The following SH3BP1 variants were observed in gnomAD, a reference collection of about 807,000 sequenced individuals.
The protein encoded by SH3BP1 is SH3 domain binding protein 1, also known as SH3 domain-binding protein 1.
Under a neutral mutation model 69.8 loss-of-function variants are expected in SH3BP1, and 46 were observed. The ratio of observed to expected loss-of-function variants is 0.66; its 90% CI spans 0.52 to 0.84. The LOEUF (loss-of-function observed/expected upper bound fraction) is 0.84. Among genes scored for constraint, SH3BP1 ranks in the 40% least tolerant of loss-of-function variants. The pLI is 0.00. For missense variants in SH3BP1, 868 were observed against 930.9 expected (o/e 0.93, Z 0.88); for synonymous variants, 403 against 378.0 (o/e 1.07, Z -0.77).
intron 9 of SH3BP1, 70 bp from the exon 10 acceptor site, chr22:37,645,295 G>C: frequency 6.5e-7 from 1 of 1,527,992 alleles, no homozygotes; most frequent in Non-Finnish European, 8.9e-7. Context: ...AGGACATGAA[G>C]GGGGGGTGCC....
rs1227811304 is a variant in SH3BP1, at chr22:37,642,545, C to T, written c.214C>T (p.Leu72Phe). 6.2e-7 allele frequency: 1 copy of T among 1,613,184 alleles called. No individual in the cohort carries two copies. Among genetic ancestry groups the T allele is most frequent in the Non-Finnish European group, 8.5e-7 (1 of 1,179,948 alleles). ...GADMDKRVKK[L>F]PLMALSTTMA... Reference sequence around the variant, plus strand: ...GGCCCCACCCTCCCTGCAGAAGAAGCTTCCCCTCATGGCTCTGTCCACCAC... The same window carrying T: ...GGCCCCACCCTCCCTGCAGAAGAAGTTTCCCCTCATGGCTCTGTCCACCAC... Residue 72 changes from leucine to phenylalanine, a missense_variant, in exon 4 of 18, where the codon CTT (leucine) becomes TTT (phenylalanine). Physicochemically the swap from Leu to Phe is conservative, Grantham distance 22. Coordinates refer to ENST00000649765, the MANE Select transcript of SH3BP1 (RefSeq NM_018957.6).
chr22:37,654,847 C>T (rs1461108319), intron 17 of SH3BP1, among the ~76,000 whole-genome samples: 1 of 152,136 alleles, frequency 6.6e-6, no homozygotes, highest in Non-Finnish European at 1.5e-5. Flanking sequence ...CAGTGGCTTA[C>T]ACCTGTCATC....
chr22:37,650,243 C>G lies in SH3BP1; in HGVS notation c.1408C>G (p.Pro470Ala). Residue 470 changes from proline to alanine, a missense_variant, in exon 15 of 18, where the codon CCT becomes GCT. Coordinates refer to ENST00000649765, the MANE Select transcript of SH3BP1 (RefSeq NM_018957.6). ...GATCCAGAGCGCAGACACCCTCTTC[C>G]CTGGAGGTGAAGCTCCTGCCTGCAT... ...ALIQSADTLFPGDINFNVSGL... is the reference protein window; with the variant it reads ...ALIQSADTLFAGDINFNVSGL... 6.2e-7 allele frequency: 1 copy of G among 1,607,274 alleles called. No individual in the cohort carries two copies. Among genetic ancestry groups the G allele is most frequent in the Non-Finnish European group, 8.5e-7 (1 of 1,176,652 alleles).
Position 37,641,489 on chromosome 22 carries a change from G to C in SH3BP1, c.207+11G>C. ...ATGGACAAGCGGGTGGTGAGTGGGGGGTCCCGGGAAGGAGGGGCCTGAGCA... is the reference window on the plus strand; with the variant it reads ...ATGGACAAGCGGGTGGTGAGTGGGGCGTCCCGGGAAGGAGGGGCCTGAGCA... On this transcript the variant is annotated intron_variant, in intron 3 of 17. Transcript: ENST00000649765. 6.5e-7 allele frequency: 1 copy of C among 1,545,718 alleles called. No homozygotes were observed. The highest frequency in any genetic ancestry group is 8.7e-7 in the Non-Finnish European group (1 of 1,144,020).
chr22:37,650,118 C>A, intron 14 of SH3BP1, 34 bp from the exon 15 acceptor site: 1 of 1,612,364 alleles, frequency 6.2e-7, no homozygotes, highest in Non-Finnish European at 8.5e-7. Flanking sequence ...GGGTCACAAA[C>A]CCTTTGCTGA....
At chr22:37,644,775 G>A (rs936857339) in intron 8 of SH3BP1, 70 bp downstream of exon 8, 2 of 1,604,776 alleles carry the variant, frequency 1.2e-6, no homozygotes, top group Non-Finnish European at 1.7e-6. Context: ...GGCCACTGGG[G>A]CTCTAAGATG....
At chr22:37,644,113 C>T (rs571858343) in intron 7 of SH3BP1, among the ~76,000 whole-genome samples, 1 of 152,338 alleles carries the variant, frequency 6.6e-6, no homozygotes, top group Admixed American at 6.5e-5. Flanking sequence ...GGCGCGGTGG[C>T]TTACGCCTGT....
intron 9 of SH3BP1, 78 bp from the exon 10 acceptor site, chr22:37,645,287 G>A: frequency 6.6e-7 from 1 of 1,519,818 alleles, no homozygotes; most frequent in East Asian, 2.3e-5. Context: ...CCACCTTGAG[G>A]ACATGAAGGG....
chr22:37,650,912 C>T (rs2146069128), intron 16 of SH3BP1, 187 bp downstream of exon 16: 1 of 684,246 alleles, frequency 1.5e-6, no homozygotes, highest in Non-Finnish European at 2.4e-6. Flanking sequence ...GTCTCAGCCA[C>T]TGATGTGTGC....
intron 16 of SH3BP1, among the ~76,000 whole-genome samples, chr22:37,651,605 C>G (rs1323418363): frequency 6.6e-6 from 1 of 152,130 alleles, no homozygotes; most frequent in African/African-American, 2.4e-5. Context: ...GCTGGGATTA[C>G]AGGCATGAGC....
chr22:37,645,297 G>T, intron 9 of SH3BP1, 68 bp from the exon 10 acceptor site: 1 of 1,543,990 alleles, frequency 6.5e-7, no homozygotes, highest in South Asian at 1.2e-5. Context: ...GACATGAAGG[G>T]GGGGTGCCCC....
In SH3BP1 at chr22:37,641,495, G is replaced by T. The variant is rs746828473; in HGVS notation, c.207+17G>T. 2 of 1,537,766 alleles carry T rather than the reference G, an allele frequency of 1.3e-6. No homozygotes were observed. Among genetic ancestry groups the T allele is most frequent in the Non-Finnish European group, 1.8e-6 (2 of 1,138,218 alleles). On this transcript the variant is annotated intron_variant, in intron 3 of 17. Coordinates refer to ENST00000649765, the MANE Select transcript of SH3BP1 (RefSeq NM_018957.6). ...AAGCGGGTGGTGAGTGGGGGGTCCC[G>T]GGAAGGAGGGGCCTGAGCAGGAGAC...
rs1179050794 is a variant in SH3BP1, at chr22:37,644,005, TC to T, written c.618+219del. Among the ~76,000 whole-genome samples, 8 of 152,342 alleles carry T rather than the reference TC, an allele frequency of 5.3e-5. No homozygotes were observed. In the East Asian group the frequency reaches 1.5e-3, roughly 29 times the overall value. On this transcript the variant is annotated intron_variant, in intron 7 of 17. Transcript: ENST00000649765. Reference sequence around the variant, plus strand: ...AGAGACTTGGTCTGTTCCCTGAGTCTCCATGTGTTTGTTTGCTGAGCGAGCG... The same window carrying T: ...AGAGACTTGGTCTGTTCCCTGAGTCTCATGTGTTTGTTTGCTGAGCGAGCG...
chr22:37,642,860 C>T (rs1273153886), intron 4 of SH3BP1, 35 bp from the exon 5 acceptor site: 4 of 1,601,452 alleles, frequency 2.5e-6, no homozygotes, highest in East Asian at 2.2e-5. Flanking sequence ...GTGAGGGCAG[C>T]GGGCGCCTGG....
In SH3BP1 at chr22:37,648,389, G is replaced by A. The variant is rs1932819754; in HGVS notation, c.1270G>A (p.Ala424Thr). Residue 424 changes from alanine to threonine, a missense_variant, in exon 14 of 18, where the codon GCC (alanine) becomes ACC (threonine). Physicochemically the swap from Ala to Thr is moderately conservative, Grantham distance 58. Around this residue, in one of 3 missense-constraint regions of SH3BP1, gnomAD observed 474 missense variants for 462.3 expected, o/e 1.03. Transcript: ENST00000649765. ...GAACAAGATGACACCCAGCAACATC[G>A]CCATAGTCCTGGGACCCAACTTGCT... is the stretch of plus-strand genomic sequence containing the variant. ...EVNKMTPSNI[A>T]IVLGPNLLWP... 3 of 1,569,366 alleles carry A rather than the reference G, an allele frequency of 1.9e-6. No individual in the cohort carries two copies. The highest frequency in any genetic ancestry group is 2.6e-6 in the Non-Finnish European group (3 of 1,156,624).
At chr22:37,647,548 T>G (rs1309702931) in intron 13 of SH3BP1, 27 bp downstream of exon 13, 1 of 1,568,936 alleles carries the variant, frequency 6.4e-7, no homozygotes, top group South Asian at 1.1e-5. Flanking sequence ...CTCCCCAGCC[T>G]GCCGCAGAGC....
At chr22:37,651,727 C>T (rs1424900808) in intron 16 of SH3BP1, among the ~76,000 whole-genome samples, 1 of 152,092 alleles carries the variant, frequency 6.6e-6, no homozygotes, top group Non-Finnish European at 1.5e-5. Flanking sequence ...CAGAGCACTG[C>T]GGCTCACACC....
rs12170939 is a variant in SH3BP1 at position 37,650,688 on chromosome 22, C to A, written c.1561C>A (p.Pro521Thr). The change falls in exon 16 of 18, where the codon CCG becomes ACG. Residue 521 changes from proline to threonine, a missense_variant. Around this residue, in one of 3 missense-constraint regions of SH3BP1, gnomAD observed 474 missense variants for 462.3 expected, o/e 1.03. Transcript: ENST00000649765. ...PAPAPAPAPA[P>T]APALASAATK... ...TCCGGCTCCGGCTCCAGCTCCAGCT[C>A]CGGCCCCAGCCTTGGCTTCAGCAGC... is the stretch of plus-strand genomic sequence containing the variant. 0.15 allele frequency: 235,942 copies of A among 1,613,250 alleles called. 18,258 individuals carry two copies. Among genetic ancestry groups the A allele is most frequent in the Admixed American group, 0.24 (14,328 of 59,922 alleles).
chr22:37,643,741 C>T lies in SH3BP1; in HGVS notation c.571C>T (p.Leu191=), dbSNP rs773037919. The T allele has an allele frequency of 6.2e-7, 1 of 1,613,876 alleles. No individual in the cohort carries two copies. Among genetic ancestry groups the T allele is most frequent in the Admixed American group, 1.7e-5 (1 of 60,014 alleles). ...GACCATGGCCAACAAGGTGGAGACG[C>T]TGAAGGAGGAGGAGGAGGAGCTGAA... The part of the protein sequence containing the change: ...HTTMANKVET[L]KEEEEELKRK... Residue 191 remains leucine (L), a synonymous_variant, in exon 7 of 18, where the codon CTG becomes TTG. Coordinates refer to ENST00000649765, the MANE Select transcript of SH3BP1 (RefSeq NM_018957.6).
Sources: gnomAD v4.1 joint callset for allele counts (sites outside exome capture counted in the v4.1 genomes callset) on GRCh38, gnomAD v4.1.1 for gene constraint, gnomAD v4.1.1 regional missense constraint, MANE v1.5 for transcripts, NCBI Gene and HGNC (gene_info 2026-07-23, HGNC 2026-07-21) for gene names.